CSGALNACT1: variants seen among roughly 807,000 people sequenced by gnomAD.
The protein encoded by CSGALNACT1 is chondroitin sulfate N-acetylgalactosaminyltransferase 1.
Under a neutral mutation model 51.0 loss-of-function variants are expected in CSGALNACT1, and 52 were observed. That is an observed-to-expected ratio of 1.02 (90% CI 0.82 to 1.29). The LOEUF (loss-of-function observed/expected upper bound fraction) is 1.29. Ranked by LOEUF, CSGALNACT1 falls within the 50% of genes most tolerant of loss-of-function variation. CSGALNACT1 has a pLI of 0.00. For missense variants in CSGALNACT1, 935 were observed against 679.2 expected, an observed-to-expected ratio of 1.38 and a Z score of -4.19; for synonymous variants, 341 against 254.4, an observed-to-expected ratio of 1.34 and a Z score of -3.24.
chr8:19,607,180 G>C (rs1243841655), upstream of CSGALNACT1, among the ~76,000 whole-genome samples: 2 of 151,794 alleles, frequency 1.3e-5, no homozygotes, highest in Non-Finnish European at 2.9e-5. Flanking sequence ...GATTTACCAA[G>C]TGCCTCCAGT....
intron 3 of CSGALNACT1, among the ~76,000 whole-genome samples, chr8:19,514,647 C>G (rs1227644577): frequency 1.4e-5 from 2 of 145,372 alleles, no homozygotes; most frequent in Admixed American, 6.9e-5. Flanking sequence ...ATGGTGAAAC[C>G]CCGTCTCTAC....
chr8:19,632,468 G>A (rs1388334950), intron 1 of CSGALNACT1, among the ~76,000 whole-genome samples: 1 of 151,940 alleles, frequency 6.6e-6, no homozygotes, highest in Non-Finnish European at 1.5e-5. Flanking sequence ...GCATTTAAGG[G>A]AAGCATCAAA....
At chr8:19,665,220 A>G (rs925418369) in intron 1 of CSGALNACT1, among the ~76,000 whole-genome samples, 2 of 152,134 alleles carry the variant, frequency 1.3e-5, no homozygotes, top group African/African-American at 4.8e-5. Context: ...TACCCCTTAA[A>G]TTTATACAAA....
At chr8:19,713,488 T>C (rs2062628402) in intron 1 of CSGALNACT1, among the ~76,000 whole-genome samples, 1 of 152,124 alleles carries the variant, frequency 6.6e-6, no homozygotes, top group Non-Finnish European at 1.5e-5. Flanking sequence ...AATGCATCCT[T>C]TTTTGGAAAT....
intron 3 of CSGALNACT1, among the ~76,000 whole-genome samples, chr8:19,513,000 C>A (rs544261955): frequency 2.0e-5 from 3 of 152,146 alleles, no homozygotes; most frequent in Non-Finnish European, 2.9e-5. Context: ...TTGCAGCCAA[C>A]GGCAGCACAA....
At chr8:19,670,752 ATGT>A (rs1399362439) in intron 1 of CSGALNACT1, among the ~76,000 whole-genome samples, 12 of 151,774 alleles carry the variant, frequency 7.9e-5, no homozygotes, top group Non-Finnish European at 4.4e-5. Context: ...AGTACAGCAT[ATGT>A]GCTTAAAGCA....
intron 3 of CSGALNACT1, among the ~76,000 whole-genome samples, chr8:19,539,330 G>A (rs903976872): frequency 7.2e-5 from 11 of 152,110 alleles, no homozygotes; most frequent in Non-Finnish European, 1.3e-4. Context: ...GACCTTCATA[G>A]AAAGAAACTA....
chr8:19,466,990 G>A (rs937937303), intron 4 of CSGALNACT1, among the ~76,000 whole-genome samples: 1 of 151,470 alleles, frequency 6.6e-6, no homozygotes, highest in African/African-American at 2.4e-5. Flanking sequence ...CATTTGTTGT[G>A]TATTTGTTTA....
intron 4 of CSGALNACT1, among the ~76,000 whole-genome samples, chr8:19,498,924 C>T (rs749913406): frequency 3.9e-5 from 6 of 152,038 alleles, no homozygotes; most frequent in Admixed American, 1.3e-4. Context: ...GACCAGCCTG[C>T]GAAATACAGT....
chr8:19,600,670 G>GT (rs1203529831), intron 2 of CSGALNACT1, among the ~76,000 whole-genome samples: 5 of 151,798 alleles, frequency 3.3e-5, no homozygotes, highest in South Asian at 4.2e-4. Flanking sequence ...TTCAGCCAAG[G>GT]TTTTTTTTAT....
chr8:19,566,933 C>G (rs2042018332), intron 3 of CSGALNACT1, among the ~76,000 whole-genome samples: 1 of 152,130 alleles, frequency 6.6e-6, no homozygotes, highest in African/African-American at 2.4e-5. Context: ...CATGAGAAAG[C>G]CAGGAGACTC....
At chr8:19,671,420 T>G (rs764639661) in intron 1 of CSGALNACT1, among the ~76,000 whole-genome samples, 1 of 152,170 alleles carries the variant, frequency 6.6e-6, no homozygotes, top group African/African-American at 2.4e-5. Context: ...ATTTTTATTA[T>G]GGAAAATATG....
At chr8:19,662,064 ACCCCCCCCCACCCCCCCCC>A (rs1345676786) in intron 1 of CSGALNACT1, among the ~76,000 whole-genome samples, 1 of 37,088 alleles carries the variant, frequency 2.7e-5, no homozygotes, top group Non-Finnish European at 5.2e-5. Context: ...AGTTGCCCCC[ACCCCCCCCCACCCCCCCCC>A]CCCCCCGCAT....
chr8:19,661,162 C>T (rs1777115937), intron 1 of CSGALNACT1, among the ~76,000 whole-genome samples: 1 of 152,048 alleles, frequency 6.6e-6, no homozygotes, highest in Non-Finnish European at 1.5e-5. Context: ...GATCTGCCCA[C>T]CTCAGCCTCC....
chr8:19,470,789 G>A (rs966520118), intron 4 of CSGALNACT1, among the ~76,000 whole-genome samples: 2 of 152,114 alleles, frequency 1.3e-5, no homozygotes, highest in African/African-American at 4.8e-5. Flanking sequence ...AATGTCCTGG[G>A]AACATGTGTT....
chr8:19,476,341 C>T lies in CSGALNACT1; in HGVS notation c.635-17699G>A, dbSNP rs138490818. Reference sequence around the variant, plus strand: ...GCAATCTCTGCCTTCCGAGTTCAAGCGATTCTCCTGCCTCAGCCTCCCCCA... The same window carrying T: ...GCAATCTCTGCCTTCCGAGTTCAAGTGATTCTCCTGCCTCAGCCTCCCCCA... On this transcript the variant is annotated intron_variant, in intron 4 of 9. Coordinates refer to ENST00000454498, the Ensembl canonical transcript of CSGALNACT1. Among the ~76,000 whole-genome samples, 614 of 152,184 alleles carry T rather than the reference C, an allele frequency of 4.0e-3. 3 individuals carry two copies. The highest frequency in any genetic ancestry group is 0.014 in the African/African-American group (587 of 41,514).
At chr8:19,577,706 T>A (rs376297533) in intron 3 of CSGALNACT1, among the ~76,000 whole-genome samples, 23 of 152,114 alleles carry the variant, frequency 1.5e-4, no homozygotes, top group African/African-American at 5.5e-4. Context: ...GGGTTTAAAA[T>A]AACAAGGCAT....
At chr8:19,502,578 G>A (rs773737138) in intron 4 of CSGALNACT1, among the ~76,000 whole-genome samples, 29 of 152,190 alleles carry the variant, frequency 1.9e-4, no homozygotes, top group Admixed American at 9.2e-4. Flanking sequence ...CTCTCAAAGT[G>A]TGGAGAACTC....
At position 19,708,658 on chromosome 8, in the gene CSGALNACT1, G is replaced by A. The variant is rs763371230; in HGVS notation, c.-297+49192C>T. ...GAGGACTCAGCACCAGGTTCCAAAT[G>A]TGCAAGGCAGGAGATGGGGAAGACT... On this transcript the variant is annotated intron_variant, in intron 1 of 1. Coordinates refer to the CSGALNACT1 transcript ENST00000517494. Among the ~76,000 whole-genome samples, 7 of 152,322 alleles carry A rather than the reference G, an allele frequency of 4.6e-5. No homozygotes were observed. The South Asian group carries it at 1.0e-3, about 23-fold the overall frequency.
Sources: gnomAD v4.1 joint callset for allele counts (sites outside exome capture counted in the v4.1 genomes callset) on GRCh38, gnomAD v4.1.1 for gene constraint, MANE v1.5 for transcripts, NCBI Gene and HGNC (gene_info 2026-07-23, HGNC 2026-07-21) for gene names.